PDIA5: variants seen among roughly 807,000 people sequenced by gnomAD.
PDIA5 encodes the protein protein disulfide isomerase family A member 5, also known as protein disulfide-isomerase A5.
PDIA5 carries 58 observed loss-of-function variants against 77.6 expected under a neutral mutation model. That is an observed-to-expected ratio of 0.75 (90% CI 0.61 to 0.93). The LOEUF is 0.93. Ranked by LOEUF, PDIA5 falls within the 40% of genes least tolerant of loss-of-function variation. The pLI, the probability that PDIA5 is intolerant of heterozygous loss-of-function variation, is 0.00. For missense variants in PDIA5, 630 were observed against 647.7 expected (o/e 0.97, Z 0.30); for synonymous variants, 250 against 252.1 (o/e 0.99, Z 0.08).
intron 15 of PDIA5, among the ~76,000 whole-genome samples, chr3:123,156,835 G>A (rs1936030548): frequency 6.6e-6 from 1 of 152,114 alleles, no homozygotes; most frequent in Admixed American, 6.5e-5. Flanking sequence ...CAGCCCCATT[G>A]ACGTGGCCCC....
In PDIA5 at chr3:123,092,339, TG is replaced by T. The variant is rs762320822; in HGVS notation, c.170-15del. ...CCTTGGTCACAGATGTTTAATTTTT[TG>T]TTTTTTTTTTACAGAGGTGGCAGCT... On this transcript the variant is annotated splice_polypyrimidine_tract_variant and intron_variant, in intron 2 of 16. Coordinates refer to ENST00000316218, the MANE Select transcript of PDIA5 (RefSeq NM_006810.4). 2 of 1,588,540 alleles carry T rather than the reference TG, an allele frequency of 1.3e-6. No individual in the cohort carries two copies. Among genetic ancestry groups the T allele is most frequent in the East Asian group, 2.2e-5 (1 of 44,756 alleles).
chr3:123,088,771 A>G (rs1934207709), intron 1 of PDIA5, among the ~76,000 whole-genome samples: 1 of 152,224 alleles, frequency 6.6e-6, no homozygotes, highest in Non-Finnish European at 1.5e-5. Flanking sequence ...TTTTTATGAT[A>G]CCAAATACAA....
At chr3:123,144,716 C>G (rs1935719573) in intron 11 of PDIA5, 1 of 152,032 alleles carries the variant, frequency 6.6e-6, no homozygotes, top group African/African-American at 2.4e-5. Context: ...AACCCCATCT[C>G]TATTGAAAAA....
chr3:123,151,692 C>G (rs1935895980), intron 14 of PDIA5, among the ~76,000 whole-genome samples: 1 of 152,078 alleles, frequency 6.6e-6, no homozygotes, highest in African/African-American at 2.4e-5. Flanking sequence ...CTGGGAGAGA[C>G]TCTTACCCTT....
chr3:123,150,102 A>C (rs1935854441), intron 13 of PDIA5, 132 bp from the exon 14 acceptor site: 1 of 689,968 alleles, frequency 1.4e-6, no homozygotes, highest in Non-Finnish European at 2.5e-6. Context: ...TTTTAAAATG[A>C]AATTTTAGAA....
intron 2 of PDIA5, among the ~76,000 whole-genome samples, chr3:123,089,883 G>A (rs1345627101): frequency 6.6e-6 from 1 of 152,270 alleles, no homozygotes; most frequent in Non-Finnish European, 1.5e-5. Flanking sequence ...CTGACCTTGA[G>A]GCTGGCAAGG....
At chr3:123,100,891 T>C (rs1260118230) in intron 3 of PDIA5, among the ~76,000 whole-genome samples, 1 of 152,210 alleles carries the variant, frequency 6.6e-6, no homozygotes, top group Non-Finnish European at 1.5e-5. Flanking sequence ...ATACAGCGCC[T>C]TGCCTCAGGT....
chr3:123,115,732 A>C (rs766863515), intron 7 of PDIA5, among the ~76,000 whole-genome samples: 21 of 152,232 alleles, frequency 1.4e-4, no homozygotes, highest in Non-Finnish European at 2.9e-4. Context: ...TATCCTTGTT[A>C]ATGAAAGAGA....
At chr3:123,097,053 A>C (rs1232796833) in intron 3 of PDIA5, among the ~76,000 whole-genome samples, 1 of 152,182 alleles carries the variant, frequency 6.6e-6, no homozygotes, top group African/African-American at 2.4e-5. Flanking sequence ...TCTCCTCCCC[A>C]TCTGCTTGAT....
At chr3:123,150,809 C>T (rs1195365042) in intron 14 of PDIA5, among the ~76,000 whole-genome samples, 3 of 152,104 alleles carry the variant, frequency 2.0e-5, no homozygotes, top group South Asian at 2.1e-4. Flanking sequence ...CAGCCACATT[C>T]GCTCCTGAGC....
At chr3:123,145,962 G>A (rs1935761260) in intron 12 of PDIA5, 137 bp from the exon 13 acceptor site, 1 of 756,030 alleles carries the variant, frequency 1.3e-6, no homozygotes, top group Non-Finnish European at 2.2e-6. Context: ...CTGGGATATG[G>A]GAGCCCACTG....
At chr3:123,112,614 T>C (rs1056456016) in intron 7 of PDIA5, among the ~76,000 whole-genome samples, 3 of 138,218 alleles carry the variant, frequency 2.2e-5, no homozygotes, top group African/African-American at 8.0e-5. Context: ...GGTGGTACCA[T>C]CTCAGCTCAC....
At chr3:123,102,366 G>C (rs1221181537) in intron 3 of PDIA5, 45 bp from the exon 4 acceptor site, 25 of 1,470,442 alleles carry the variant, frequency 1.7e-5, no homozygotes, top group Non-Finnish European at 2.3e-5. Flanking sequence ...ACACCTTTGT[G>C]AGGACTTCAG....
chr3:123,131,430 A>G (rs1018153962), intron 11 of PDIA5, among the ~76,000 whole-genome samples: 1 of 151,066 alleles, frequency 6.6e-6, no homozygotes, highest in Admixed American at 6.6e-5. Context: ...AAAAAAAAAG[A>G]CCCTGTCTCT....
Position 123,067,164 on chromosome 3 carries a change from G to A in PDIA5, c.-1G>A, listed in dbSNP as rs375940914. The A allele has an allele frequency of 1.6e-4, 195 of 1,246,832 alleles. No individual in the cohort carries two copies. The highest frequency in any genetic ancestry group is 1.4e-3 in the East Asian group (45 of 31,788). The allele number at this position is 1,246,832 out of a possible 1,614,324, so 77.2% of individuals were successfully genotyped here. The stretch of plus-strand genomic sequence containing the variant: ...AGCCAGCGGTGGGCAGCGCTGCTGG[G>A]ATGGCGCGGGCCGGGCCGGCGTGGC... On this transcript the variant is annotated 5_prime_UTR_variant, in exon 1 of 17. Coordinates refer to ENST00000316218, the MANE Select transcript of PDIA5 (RefSeq NM_006810.4).
At chr3:123,106,887 G>A in intron 6 of PDIA5, 46 bp downstream of exon 6, 1 of 1,300,772 alleles carries the variant, frequency 7.7e-7, no homozygotes, top group Non-Finnish European at 1.1e-6. Context: ...AAGCTTCCCT[G>A]GTACCAGGGC....
intron 3 of PDIA5, among the ~76,000 whole-genome samples, chr3:123,094,830 G>A (rs1934391437): frequency 6.6e-6 from 1 of 152,204 alleles, no homozygotes; most frequent in African/African-American, 2.4e-5. Context: ...ATCCTTTCCA[G>A]CTCTACTTCC....
chr3:123,112,616 T>C (rs1280576846), intron 7 of PDIA5, among the ~76,000 whole-genome samples: 1 of 138,872 alleles, frequency 7.2e-6, no homozygotes, highest in Non-Finnish European at 1.5e-5. Context: ...TGGTACCATC[T>C]CAGCTCACTG....
intron 15 of PDIA5, among the ~76,000 whole-genome samples, chr3:123,155,602 G>T (rs1451103752): frequency 6.6e-6 from 1 of 152,256 alleles, no homozygotes; most frequent in Admixed American, 6.5e-5. Context: ...CTGGGAGAGG[G>T]CTTGTGGGGC....
Sources: allele counts gnomAD v4.1 joint callset (sites outside exome capture counted in the v4.1 genomes callset), GRCh38; gene constraint gnomAD v4.1.1; transcripts MANE v1.5; gene names NCBI Gene and HGNC (gene_info 2026-07-23, HGNC 2026-07-21).